The following NMNAT3 variants were observed in gnomAD, a reference collection of about 807,000 sequenced individuals.
The protein encoded by NMNAT3 is nicotinamide nucleotide adenylyltransferase 3.
Under a neutral mutation model 24.8 loss-of-function variants are expected in NMNAT3, and 21 were observed. The observed-to-expected ratio is 0.85, with a 90% CI of 0.60 to 1.22. The LOEUF (loss-of-function observed/expected upper bound fraction) is 1.22. Ranked by LOEUF, NMNAT3 falls within the 50% of genes most tolerant of loss-of-function variation. The pLI, the probability that NMNAT3 is intolerant of heterozygous loss-of-function variation, is 0.00. For synonymous variants in NMNAT3, 136 were observed against 155.2 expected, an observed-to-expected ratio of 0.88 and a Z score of 0.92; for missense variants, 387 against 436.6, an observed-to-expected ratio of 0.89 and a Z score of 1.01.
intron 3 of NMNAT3, among the ~76,000 whole-genome samples, chr3:139,618,134 G>T (rs779907070): frequency 6.6e-6 from 1 of 152,092 alleles, no homozygotes; most frequent in Non-Finnish European, 1.5e-5. Flanking sequence ...AAAATCCACA[G>T]ATAACACACA....
chr3:139,669,476 C>CAAAAAAAA (rs1491427335), intron 1 of NMNAT3, among the ~76,000 whole-genome samples: 1 of 34,466 alleles, frequency 2.9e-5, no homozygotes, highest in Non-Finnish European at 5.7e-5. Context: ...GACCCTGTCT[C>CAAAAAAAA]AGAAAAAAAA....
At chr3:139,584,114 T>G (rs1165090859) in intron 3 of NMNAT3, 1 of 157,236 alleles carries the variant, frequency 6.4e-6, no homozygotes. Flanking sequence ...TAAATAATTC[T>G]ATCCTTCTAC....
intron 1 of NMNAT3, among the ~76,000 whole-genome samples, chr3:139,657,294 A>T (rs1281614229): frequency 6.6e-6 from 1 of 152,250 alleles, no homozygotes; most frequent in East Asian, 1.9e-4. Context: ...AAATAAATGT[A>T]ATCAGCATAT....
intron 1 of NMNAT3, among the ~76,000 whole-genome samples, chr3:139,665,644 A>T (rs1417502879): frequency 6.6e-6 from 1 of 151,920 alleles, no homozygotes; most frequent in Non-Finnish European, 1.5e-5. Context: ...AAAAATTGGA[A>T]ACTGCTCAGT....
chr3:139,611,890 G>A (rs1457641248), intron 3 of NMNAT3, among the ~76,000 whole-genome samples: 4 of 152,220 alleles, frequency 2.6e-5, no homozygotes, highest in Non-Finnish European at 5.9e-5. Flanking sequence ...GAGGGGGGCT[G>A]GACGTGGTTG....
intron 3 of NMNAT3, among the ~76,000 whole-genome samples, chr3:139,601,479 C>T (rs900284152): frequency 8.5e-5 from 13 of 152,190 alleles, no homozygotes; most frequent in Admixed American, 2.0e-4. Flanking sequence ...GGCAGATACA[C>T]GGTTGGAAAG....
intron 3 of NMNAT3, among the ~76,000 whole-genome samples, chr3:139,612,154 C>T (rs1432509634): frequency 9.2e-6 from 1 of 109,238 alleles, no homozygotes; most frequent in Non-Finnish European, 1.9e-5. Flanking sequence ...GCAACAAGAG[C>T]AAAACTCCGT....
intron 6 of NMNAT3, chr3:139,569,265 C>T (rs1937678704): frequency 7.6e-6 from 1 of 130,812 alleles, no homozygotes; most frequent in Non-Finnish European, 1.8e-5. Context: ...TTCCTGAATA[C>T]AGCACACTGA....
chr3:139,596,951 TATATATA>T (rs2054504993), intron 3 of NMNAT3, among the ~76,000 whole-genome samples: 1 of 114,558 alleles, frequency 8.7e-6, no homozygotes, highest in African/African-American at 4.4e-5. Flanking sequence ...TATATATATA[TATATATA>T]TATATATTTT....
intron 3 of NMNAT3, among the ~76,000 whole-genome samples, chr3:139,615,648 C>T (rs1445909190): frequency 3.3e-5 from 5 of 152,152 alleles, no homozygotes; most frequent in South Asian, 2.1e-4. Context: ...CAGTGAGATG[C>T]GTGACTTCCA....
At chr3:139,609,321 C>G (rs945606221) in intron 3 of NMNAT3, among the ~76,000 whole-genome samples, 2 of 152,210 alleles carry the variant, frequency 1.3e-5, no homozygotes, top group Non-Finnish European at 2.9e-5. Context: ...AACTGCTTTC[C>G]AGAGTGGCTG....
chr3:139,582,989 A>T lies in NMNAT3; in HGVS notation c.329T>A (p.Ile110Asn), dbSNP rs867708244. Residue 110 changes from isoleucine (I) to asparagine (N), a missense_variant, in exon 4 of 7, where the codon ATT (isoleucine) becomes AAT (asparagine). Around this residue, in one of 3 missense-constraint regions of NMNAT3, gnomAD observed 323 missense variants for 345.2 expected, o/e 0.94. Transcript: ENST00000643695. ...GTTCCAGGTGCTATCTATAAATATAATTTTTTTCAGTGTTGTGCCTTTGCA... is the reference window on the plus strand; with the variant it reads ...GTTCCAGGTGCTATCTATAAATATATTTTTTTTCAGTGTTGTGCCTTTGCA... The T allele has an allele frequency of 5.0e-6, 8 of 1,584,546 alleles. No individual in the cohort carries two copies. The Admixed American group carries it at 5.6e-5, about 11-fold the overall frequency.
At chr3:139,563,795 G>C (rs1412893862) in intron 6 of NMNAT3, among the ~76,000 whole-genome samples, 1 of 152,106 alleles carries the variant, frequency 6.6e-6, no homozygotes. Flanking sequence ...TTTTTAGACC[G>C]AGTGACTCTA....
chr3:139,600,709 C>T (rs974395762), intron 3 of NMNAT3, among the ~76,000 whole-genome samples: 2 of 152,124 alleles, frequency 1.3e-5, no homozygotes, highest in African/African-American at 2.4e-5. Context: ...TCTTCTTTTT[C>T]CTGTTCCTTT....
chr3:139,573,437 A>C (rs567750826), intron 6 of NMNAT3, among the ~76,000 whole-genome samples, 161 bp downstream of exon 6: 1 of 152,242 alleles, frequency 6.6e-6, no homozygotes, highest in South Asian at 2.1e-4. Context: ...CTGAACTTCA[A>C]CCTCAGAAGT....
intron 3 of NMNAT3, among the ~76,000 whole-genome samples, chr3:139,612,672 C>T (rs1409537415): frequency 6.6e-6 from 1 of 152,142 alleles, no homozygotes; most frequent in Non-Finnish European, 1.5e-5. Context: ...GTTGCTTTTC[C>T]ACAGGGTGTC....
At chr3:139,589,651 A>G (rs2054083035) in intron 3 of NMNAT3, among the ~76,000 whole-genome samples, 1 of 152,236 alleles carries the variant, frequency 6.6e-6, no homozygotes, top group Admixed American at 6.5e-5. Context: ...TAAATAGTTT[A>G]GGCTTTGCAG....
intron 3 of NMNAT3, among the ~76,000 whole-genome samples, chr3:139,623,154 T>C (rs967957937): frequency 6.6e-6 from 1 of 152,110 alleles, no homozygotes; most frequent in African/African-American, 2.4e-5. Context: ...ACACAAACAT[T>C]GTACAGATGT....
chr3:139,607,429 C>T (rs2054996151), intron 3 of NMNAT3, among the ~76,000 whole-genome samples: 2 of 152,286 alleles, frequency 1.3e-5, no homozygotes, highest in South Asian at 2.1e-4. Flanking sequence ...CATCCACACC[C>T]CTGTGGAAAA....
Sources: allele counts gnomAD v4.1 joint callset (sites outside exome capture counted in the v4.1 genomes callset), GRCh38; gene constraint gnomAD v4.1.1; regional missense constraint gnomAD v4.1.1; transcripts MANE v1.5; gene names NCBI Gene and HGNC (gene_info 2026-07-23, HGNC 2026-07-21).